Variants in RHCE observed in about 807,000 individuals in gnomAD.
The protein encoded by RHCE is Rh blood group CcEe antigens.
Under a neutral mutation model 43.8 loss-of-function variants are expected in RHCE, and 22 were observed. The ratio of observed to expected loss-of-function variants is 0.50; its 90% confidence interval spans 0.36 to 0.72. The LOEUF is 0.72. Among genes scored for constraint, RHCE ranks in the 30% least tolerant of loss-of-function variants. The pLI is 0.00. For missense variants in RHCE, 385 were observed against 525.4 expected, an observed-to-expected ratio of 0.73 and a Z score of 2.61; for synonymous variants, 156 against 210.7, an observed-to-expected ratio of 0.74 and a Z score of 2.25.
At chr1:25,394,549 C>A (rs965625600) in intron 3 of RHCE, among the ~76,000 whole-genome samples, 4 of 152,152 alleles carry the variant, frequency 2.6e-5, no homozygotes, top group African/African-American at 9.7e-5. Context: ...GTGGTACTTA[C>A]CACTCTCTAA....
intron 1 of RHCE, among the ~76,000 whole-genome samples, chr1:25,414,455 G>A (rs538224583): frequency 3.9e-5 from 6 of 152,016 alleles, no homozygotes; most frequent in East Asian, 1.9e-4. Context: ...CCACCTCCTC[G>A]CCCACAGCCT....
At chr1:25,402,866 G>A in intron 2 of RHCE, 120 bp from the exon 3 acceptor site, 2 of 1,435,272 alleles carry the variant, frequency 1.4e-6, no homozygotes, top group East Asian at 2.4e-5. Context: ...GGAAATAGAA[G>A]ACAAGATTTC....
At chr1:25,413,245 A>C (rs1015452526) in intron 1 of RHCE, among the ~76,000 whole-genome samples, 92 of 152,130 alleles carry the variant, frequency 6.0e-4, no homozygotes, top group African/African-American at 2.1e-3. Context: ...TGCACCCCAA[A>C]CTGGTCAGGA....
intron 1 of RHCE, among the ~76,000 whole-genome samples, chr1:25,419,096 T>C (rs563175940): frequency 2.4e-4 from 36 of 152,292 alleles, no homozygotes; most frequent in Admixed American, 2.3e-3. Context: ...GGCAAATTAC[T>C]CAACATCCAT....
At chr1:25,389,396 T>C (rs1342061384) in intron 5 of RHCE, among the ~76,000 whole-genome samples, 1 of 152,114 alleles carries the variant, frequency 6.6e-6, no homozygotes, top group Non-Finnish European at 1.5e-5. Flanking sequence ...TAGGCACCCA[T>C]CACACTCATT....
chr1:25,392,202 G>C (rs1437097261), intron 3 of RHCE, 61 bp from the exon 4 acceptor site: 77 of 1,612,958 alleles, frequency 4.8e-5, no homozygotes, highest in Non-Finnish European at 5.9e-5. Context: ...GGAAAGCCCT[G>C]ATGGTCCTTG....
chr1:25,394,230 C>A (rs1646471684), intron 3 of RHCE, among the ~76,000 whole-genome samples: 1 of 152,036 alleles, frequency 6.6e-6, no homozygotes, highest in African/African-American at 2.4e-5. Flanking sequence ...CTCAAGTGAT[C>A]CATCCGCCTT....
chr1:25,423,641 TCTGA>T (rs531999509), upstream of RHCE, among the ~76,000 whole-genome samples: 47 of 152,338 alleles, frequency 3.1e-4, no homozygotes, highest in African/African-American at 1.1e-3. Flanking sequence ...GCTCTTCCCC[TCTGA>T]CTCTTATAAA....
chr1:25,397,222 C>T (rs1013368294), intron 3 of RHCE, among the ~76,000 whole-genome samples: 2 of 149,260 alleles, frequency 1.3e-5, no homozygotes, highest in Admixed American at 6.7e-5. Context: ...CCAGGCTGGG[C>T]GCGGTGGCTC....
At chr1:25,372,890 T>C (rs1213184012) in intron 8 of RHCE, among the ~76,000 whole-genome samples, 1 of 151,678 alleles carries the variant, frequency 6.6e-6, no homozygotes, top group Non-Finnish European at 1.5e-5. Context: ...CTGCAACTTC[T>C]GCCTCCCAAG....
chr1:25,379,495 ATTTTTTTTT>A (rs770791604), intron 7 of RHCE, among the ~76,000 whole-genome samples: 379 of 26,802 alleles, frequency 0.014, 5 homozygotes, highest in African/African-American at 0.02. Context: ...ATATATATAT[ATTTTTTTTT>A]TTTTTTTTTT....
At chr1:25,430,173 G>T (rs921356134) in exon 1 of RHCE, 1 of 151,874 alleles carries the variant, frequency 6.6e-6, no homozygotes. Context: ...GGGCCGCACC[G>T]CCGCACACGC....
chr1:25,428,166 C>T (rs1233670854), intron 2 of RHCE, among the ~76,000 whole-genome samples: 2 of 152,170 alleles, frequency 1.3e-5, no homozygotes, highest in African/African-American at 2.4e-5. Context: ...TGGCATGTGT[C>T]CCCAGTGCCT....
intron 3 of RHCE, among the ~76,000 whole-genome samples, chr1:25,399,394 G>A (rs1226309347): frequency 1.3e-5 from 2 of 152,120 alleles, no homozygotes; most frequent in Non-Finnish European, 2.9e-5. Flanking sequence ...TAAGTTGTGA[G>A]ACTGAGTTCT....
At chr1:25,386,316 A>G (rs1333089983) in intron 6 of RHCE, among the ~76,000 whole-genome samples, 1 of 152,206 alleles carries the variant, frequency 6.6e-6, no homozygotes, top group South Asian at 2.1e-4. Flanking sequence ...GGGGTGACCA[A>G]GACCCACTGG....
At chr1:25,390,491 C>A (rs146108388) in intron 5 of RHCE, among the ~76,000 whole-genome samples, 1 of 152,146 alleles carries the variant, frequency 6.6e-6, no homozygotes, top group Non-Finnish European at 1.5e-5. Flanking sequence ...GGTTCAAACT[C>A]AGGTCTGTTT....
chr1:25,402,890 G>C (rs996529766), intron 2 of RHCE, 144 bp from the exon 3 acceptor site: 7 of 1,195,610 alleles, frequency 5.9e-6, no homozygotes, highest in Non-Finnish European at 7.2e-6. Flanking sequence ...CCACCTGGGC[G>C]CTGATGCTGC....
intron 7 of RHCE, among the ~76,000 whole-genome samples, chr1:25,379,485 ATATATATATATTTTTT>A (rs1208318152): frequency 1.5e-4 from 3 of 19,490 alleles, no homozygotes; most frequent in African/African-American, 1.1e-3. Context: ...ATATATATAT[ATATATATATATTTTTT>A]TTTTTTTTTT....
At chr1:25,409,841 T>A (rs919206069) in intron 1 of RHCE, among the ~76,000 whole-genome samples, 1 of 151,614 alleles carries the variant, frequency 6.6e-6, no homozygotes, top group African/African-American at 2.4e-5. Context: ...TTTACAGATA[T>A]GAAAACCAAG....
Sources: allele counts gnomAD v4.1 joint callset (sites outside exome capture counted in the v4.1 genomes callset), GRCh38; gene constraint gnomAD v4.1.1; transcripts MANE v1.5; gene names NCBI Gene and HGNC (gene_info 2026-07-23, HGNC 2026-07-21).